Variants in SLTM observed in about 807,000 individuals in gnomAD.
SLTM encodes SAFB like transcription modulator.
SLTM carries 43 observed loss-of-function variants against 134.6 expected under a neutral mutation model. That is an observed-to-expected ratio of 0.32 (90% confidence interval 0.25 to 0.41). The LOEUF (loss-of-function observed/expected upper bound fraction) is 0.41, where lower values mean the gene tolerates loss of function less well. Among genes scored for constraint, SLTM ranks in the 10% least tolerant of loss-of-function variants. The pLI is 1.00. For synonymous variants in SLTM, 424 were observed against 432.3 expected, an observed-to-expected ratio of 0.98 and a Z score of 0.24; for missense variants, 1,055 against 1,288.8, an observed-to-expected ratio of 0.82 and a Z score of 2.78.
intron 5 of SLTM, among the ~76,000 whole-genome samples, chr15:58,911,742 G>C (rs749389868): frequency 6.6e-6 from 1 of 152,150 alleles, no homozygotes; most frequent in Non-Finnish European, 1.5e-5. Context: ...TACACTATGT[G>C]TATCACATAT....
In SLTM at chr15:58,893,351, TG is replaced by T; in HGVS notation, c.1661del (p.Pro554GlnfsTer5). On this transcript the variant is annotated frameshift_variant, in exon 13 of 21. Coordinates refer to ENST00000380516, the MANE Select transcript of SLTM (RefSeq NM_024755.4). LOFTEE classifies it high-confidence loss of function. ...EEKKRISSKS[P>X]GHMVILDQTK... ...TTTGGTCTAGTATTACCATATGTCC[TG>T]GACTCTTGGAACCTAAGGGAAAAAA... 6.2e-7 allele frequency: 1 copy of T among 1,603,626 alleles called. No individual in the cohort carries two copies.
chr15:58,893,195 C>T (rs776356725), intron 13 of SLTM, 84 bp downstream of exon 13: 55 of 1,425,260 alleles, frequency 3.9e-5, no homozygotes, highest in South Asian at 1.4e-4. Flanking sequence ...CATGCAAGTA[C>T]GCAAAGATGG....
At chr15:58,932,295 G>C in intron 2 of SLTM, 61 bp downstream of exon 2, 1 of 1,215,270 alleles carries the variant, frequency 8.2e-7, no homozygotes, top group Non-Finnish European at 1.2e-6. Flanking sequence ...AGAGGCACAA[G>C]AGCAGAGGCA....
At chr15:58,887,643 T>A in intron 17 of SLTM, 103 bp from the exon 18 acceptor site, 2 of 1,493,742 alleles carry the variant, frequency 1.3e-6, no homozygotes, top group Non-Finnish European at 1.8e-6. Context: ...AACCAAAAAA[T>A]GAACTTAAGG....
chr15:58,925,715 T>G (rs895297003), intron 2 of SLTM, among the ~76,000 whole-genome samples: 1 of 152,210 alleles, frequency 6.6e-6, no homozygotes, highest in African/African-American at 2.4e-5. Context: ...CAAAGGTATA[T>G]TTTTCAAATA....
chr15:58,900,685 G>A (rs2035419925), intron 6 of SLTM: 1 of 153,092 alleles, frequency 6.5e-6, no homozygotes, highest in Non-Finnish European at 1.5e-5. Context: ...CTAGTCCAAA[G>A]TAGGATCCTT....
chr15:58,932,227 C>T (rs1263446950), intron 2 of SLTM, 129 bp downstream of exon 2: 3 of 699,948 alleles, frequency 4.3e-6, no homozygotes, highest in African/African-American at 1.8e-5. Flanking sequence ...CTTCCTTGAC[C>T]CAAGAAGGCA....
At chr15:58,920,658 TAAATAAA>T (rs2036973563) in intron 2 of SLTM, among the ~76,000 whole-genome samples, 1 of 149,654 alleles carries the variant, frequency 6.7e-6, no homozygotes, top group Non-Finnish European at 1.5e-5. Context: ...AATAAATAAA[TAAATAAA>T]AATTTTTTGG....
chr15:58,894,366 A>G, intron 10 of SLTM, 67 bp downstream of exon 10: 1 of 1,569,236 alleles, frequency 6.4e-7, no homozygotes, highest in Non-Finnish European at 8.7e-7. Flanking sequence ...TGCTACTGTT[A>G]ACAGCTATGA....
chr15:58,890,377 C>G lies in SLTM; in HGVS notation c.1983G>C (p.Gln661His). 2 of 1,613,960 alleles carry G rather than the reference C, an allele frequency of 1.2e-6. No individual in the cohort carries two copies. Among genetic ancestry groups the G allele is most frequent in the Non-Finnish European group, 8.5e-7 (1 of 1,179,900 alleles). The change falls in exon 15 of 21, where the codon CAG (glutamine) becomes CAC (histidine). Residue 661 changes from glutamine (Q) to histidine (H), a missense_variant. This residue lies in a region of SLTM where 776 missense variants were observed against 962.2 expected (regional missense o/e 0.81). Coordinates refer to ENST00000380516, the MANE Select transcript of SLTM (RefSeq NM_024755.4). The stretch of plus-strand genomic sequence containing the variant: ...CAATTTCTAGGCGCTCTCTCTCTCT[C>G]TGTAAGCGTTCCCGTTCTTCCCGTT... ...IREREERERLQRERERLEIER... is the reference protein window; with the variant it reads ...IREREERERLHRERERLEIER...
chr15:58,913,251 G>A (rs940102718), intron 4 of SLTM, among the ~76,000 whole-genome samples: 2 of 151,952 alleles, frequency 1.3e-5, no homozygotes, highest in East Asian at 1.9e-4. Context: ...GAAATTATAC[G>A]TCATGTGAAA....
Position 58,898,807 on chromosome 15 carries a change from G to C in SLTM, c.1104C>G (p.Asp368Glu). 1 of 1,604,316 alleles carries C rather than the reference G, an allele frequency of 6.2e-7. No individual in the cohort carries two copies. Among genetic ancestry groups the C allele is most frequent in the Non-Finnish European group, 8.5e-7 (1 of 1,174,762 alleles). ...SKDSKTSSKD[D>E]KGSTSSTSGS... Reference sequence around the variant, plus strand: ...ATAGGGAAAAAAATTCTTTACCTTTGTCATCTTTAGATGATGTCTTGCTGT... The same window carrying C: ...ATAGGGAAAAAAATTCTTTACCTTTCTCATCTTTAGATGATGTCTTGCTGT... Residue 368 changes from aspartate to glutamate, a missense_variant, in exon 8 of 21, where the codon GAC becomes GAG. Coordinates refer to ENST00000380516, the MANE Select transcript of SLTM (RefSeq NM_024755.4).
intron 5 of SLTM, among the ~76,000 whole-genome samples, chr15:58,906,029 G>C (rs756159174): frequency 6.6e-6 from 1 of 152,150 alleles, no homozygotes; most frequent in Non-Finnish European, 1.5e-5. Context: ...TGAACCACAC[G>C]TAAATGCCTA....
chr15:58,913,357 G>T, intron 4 of SLTM, 142 bp downstream of exon 4: 1 of 604,396 alleles, frequency 1.7e-6, no homozygotes, highest in Non-Finnish European at 2.6e-6. Context: ...AAGGTGGTAG[G>T]ATTTTAGATG....
At chr15:58,908,748 T>C (rs1455882819) in intron 5 of SLTM, among the ~76,000 whole-genome samples, 3 of 152,146 alleles carry the variant, frequency 2.0e-5, no homozygotes, top group African/African-American at 4.8e-5. Context: ...CAGTGGGTGA[T>C]ACAACCACAC....
chr15:58,893,182 T>C, intron 13 of SLTM, 97 bp downstream of exon 13: 2 of 1,410,498 alleles, frequency 1.4e-6, no homozygotes, highest in Non-Finnish European at 1.9e-6. Flanking sequence ...TTGGGTTTGC[T>C]AGCATGCAAG....
chr15:58,881,757 G>A (rs1383985218), intron 20 of SLTM, among the ~76,000 whole-genome samples: 1 of 152,088 alleles, frequency 6.6e-6, no homozygotes, highest in Non-Finnish European at 1.5e-5. Context: ...ATAAGGGATA[G>A]CTATGATAAA....
rs533061340 is a variant in SLTM at position 58,879,729 on chromosome 15, C to T, written c.*270G>A. 9.4e-6 allele frequency: 3 copies of T among 319,318 alleles called. No homozygotes were observed. Among genetic ancestry groups the T allele is most frequent in the South Asian group, 4.4e-5 (1 of 22,518 alleles). The allele number at this position is 319,318 out of a possible 1,614,324, so 19.8% of individuals were successfully genotyped here. A position where few individuals can be genotyped will look rare whatever the true frequency, so the allele number is the denominator to read the frequency against. ...CAAACTACTCTTTATATTCACACAG[C>T]GTTAAACAAAACGACTTCAATTCCA... On this transcript the variant is annotated 3_prime_UTR_variant, in exon 21 of 21. Coordinates refer to ENST00000380516, the MANE Select transcript of SLTM (RefSeq NM_024755.4).
intron 5 of SLTM, among the ~76,000 whole-genome samples, chr15:58,902,188 T>C (rs1467207731): frequency 6.6e-6 from 1 of 152,062 alleles, no homozygotes; most frequent in Non-Finnish European, 1.5e-5. Flanking sequence ...TATAAGACTA[T>C]AAAGAATAAA....
Sources: gnomAD v4.1 joint callset for allele counts (sites outside exome capture counted in the v4.1 genomes callset) on GRCh38, gnomAD v4.1.1 for gene constraint, gnomAD v4.1.1 regional missense constraint, MANE v1.5 for transcripts, NCBI Gene and HGNC (gene_info 2026-07-23, HGNC 2026-07-21) for gene names.